Variants in SHISA9 observed in about 807,000 individuals in gnomAD.
The protein encoded by SHISA9 is shisa family member 9, also known as protein shisa-9.
A neutral mutation model predicts 38.0 loss-of-function variants in SHISA9; 13 were observed. The ratio of observed to expected loss-of-function variants is 0.34; its 90% CI spans 0.22 to 0.54. SHISA9 has a LOEUF of 0.54. Among genes scored for constraint, SHISA9 ranks in the 20% least tolerant of loss-of-function variants. The pLI is 0.91. For missense variants in SHISA9, 538 were observed against 575.8 expected (o/e 0.93, Z 0.67); for synonymous variants, 275 against 242.0 (o/e 1.14, Z -1.27).
the SHISA9 span, among the ~76,000 whole-genome samples, chr16:13,284,692 G>C: frequency 3.3e-5 from 5 of 152,244 alleles, no homozygotes; most frequent in African/African-American, 1.2e-4. Flanking sequence ...CCGCCTCCTG[G>C]GTTCAAGCTG....
At chr16:13,478,073 C>T in the SHISA9 span, among the ~76,000 whole-genome samples, 1 of 152,222 alleles carries the variant, frequency 6.6e-6, no homozygotes, top group African/African-American at 2.4e-5. Flanking sequence ...GTTTGAGCGA[C>T]ATCGCATTTT....
the SHISA9 span, among the ~76,000 whole-genome samples, chr16:13,501,399 G>A: frequency 6.6e-6 from 1 of 152,144 alleles, no homozygotes; most frequent in Non-Finnish European, 1.5e-5. Context: ...AGCCATGAAA[G>A]GAGTATAAGA....
intron 2 of SHISA9, among the ~76,000 whole-genome samples, chr16:13,035,633 T>G (rs933854230): frequency 6.6e-6 from 1 of 152,080 alleles, no homozygotes. Flanking sequence ...CAGGTTCAAG[T>G]GATTCTCCTG....
the SHISA9 span, among the ~76,000 whole-genome samples, chr16:13,329,087 AAGG>A: frequency 5.3e-5 from 8 of 152,082 alleles, no homozygotes; most frequent in Non-Finnish European, 1.0e-4. Flanking sequence ...CATGTACAGG[AAGG>A]AGAAGACAAC....
intron 2 of SHISA9, among the ~76,000 whole-genome samples, chr16:13,150,600 T>G (rs1418298648): frequency 6.6e-6 from 1 of 152,152 alleles, no homozygotes; most frequent in Non-Finnish European, 1.5e-5. Context: ...CCTGGGAAAT[T>G]GTTGAGATGC....
chr16:13,013,526 G>A (rs1429442041), intron 2 of SHISA9, among the ~76,000 whole-genome samples: 1 of 152,106 alleles, frequency 6.6e-6, no homozygotes. Context: ...AGTTTGCTCA[G>A]CCCATGCCCC....
At chr16:13,017,778 T>C (rs2072775423) in intron 2 of SHISA9, among the ~76,000 whole-genome samples, 1 of 152,204 alleles carries the variant, frequency 6.6e-6, no homozygotes, top group East Asian at 1.9e-4. Flanking sequence ...ATATACTTCA[T>C]TGTGTGATAC....
chr16:13,054,672 C>A (rs1173549855), intron 2 of SHISA9, among the ~76,000 whole-genome samples: 1 of 152,088 alleles, frequency 6.6e-6, no homozygotes, highest in Admixed American at 6.5e-5. Flanking sequence ...ATAATGAATA[C>A]CTCGTATGCA....
intron 2 of SHISA9, among the ~76,000 whole-genome samples, chr16:13,077,847 A>G (rs918805887): frequency 2.6e-5 from 4 of 152,250 alleles, no homozygotes; most frequent in African/African-American, 9.6e-5. Flanking sequence ...TTGGGGGCAG[A>G]AAGTCCAATT....
At chr16:13,471,221 A>G in the SHISA9 span, among the ~76,000 whole-genome samples, 8 of 152,164 alleles carry the variant, frequency 5.3e-5, no homozygotes, top group Non-Finnish European at 1.2e-4. Flanking sequence ...TGGGGCTGAC[A>G]GTGCAGCATG....
intron 2 of SHISA9, among the ~76,000 whole-genome samples, chr16:12,953,127 A>T (rs1202713070): frequency 6.6e-6 from 1 of 151,854 alleles, no homozygotes; most frequent in East Asian, 1.9e-4. Context: ...TAGAGTGGTC[A>T]GGGGACATCT....
In SHISA9 at chr16:13,023,716, C is replaced by T. The variant is rs989983901; in HGVS notation, c.691+106901C>T. The stretch of plus-strand genomic sequence containing the variant: ...GACTTTTTAATGATTGCCATTCTAA[C>T]TGGCGTGAGATGGTATCTCATTGCG... On this transcript the variant is annotated intron_variant, in intron 2 of 4. Transcript: ENST00000558583. Among the ~76,000 whole-genome samples, 5 of 152,228 alleles carry T rather than the reference C, an allele frequency of 3.3e-5. No individual in the cohort carries two copies. The South Asian group carries it at 8.3e-4, about 25-fold the overall frequency.
At chr16:13,078,989 C>G (rs1385654588) in intron 2 of SHISA9, among the ~76,000 whole-genome samples, 1 of 152,172 alleles carries the variant, frequency 6.6e-6, no homozygotes, top group African/African-American at 2.4e-5. Flanking sequence ...TATGCAGCAG[C>G]CAGACAGCCT....
chr16:13,084,168 C>G (rs1355670098), intron 2 of SHISA9, among the ~76,000 whole-genome samples: 1 of 152,094 alleles, frequency 6.6e-6, no homozygotes, highest in Non-Finnish European at 1.5e-5. Context: ...AACAAGGAAC[C>G]TGAGGGCCAG....
chr16:13,206,840 C>T (rs949643930), intron 3 of SHISA9, among the ~76,000 whole-genome samples: 3 of 152,154 alleles, frequency 2.0e-5, no homozygotes, highest in Non-Finnish European at 4.4e-5. Flanking sequence ...CATATGCATC[C>T]TAACTGCATT....
chr16:13,386,529 T>C, the SHISA9 span, among the ~76,000 whole-genome samples: 1 of 152,216 alleles, frequency 6.6e-6, no homozygotes, highest in South Asian at 2.1e-4. Flanking sequence ...GTACTTAGCT[T>C]GTTCCAAGAA....
At chr16:13,271,579 A>G in the SHISA9 span, among the ~76,000 whole-genome samples, 2 of 152,196 alleles carry the variant, frequency 1.3e-5, no homozygotes, top group African/African-American at 4.8e-5. Flanking sequence ...GACACACACG[A>G]CATCATGAAT....
the SHISA9 span, among the ~76,000 whole-genome samples, chr16:13,295,651 C>T: frequency 6.6e-6 from 1 of 152,038 alleles, no homozygotes; most frequent in Non-Finnish European, 1.5e-5. Context: ...CTGCAGAGGG[C>T]TAGGCAGGTA....
chr16:13,537,165 T>A, the SHISA9 span, among the ~76,000 whole-genome samples: 2 of 152,130 alleles, frequency 1.3e-5, no homozygotes, highest in Non-Finnish European at 2.9e-5. Flanking sequence ...TGGTGGCTCA[T>A]GCCTGTAATC....
Sources: gnomAD v4.1 joint callset for allele counts (sites outside exome capture counted in the v4.1 genomes callset) on GRCh38, gnomAD v4.1.1 for gene constraint, MANE v1.5 for transcripts, NCBI Gene and HGNC (gene_info 2026-07-23, HGNC 2026-07-21) for gene names.